TEX11: variants seen among roughly 807,000 people sequenced by gnomAD.
TEX11 encodes the protein testis-expressed protein 11.
A neutral mutation model predicts 84.4 loss-of-function variants in TEX11; 7 were observed. The ratio of observed to expected loss-of-function variants is 0.08; its 90% CI spans 0.05 to 0.16. The LOEUF (loss-of-function observed/expected upper bound fraction) is 0.16. TEX11 is among the 10% of genes least tolerant of loss of function. The probability of loss-of-function intolerance (pLI) is 1.00; values close to 1 mark genes in which losing one functional copy is unlikely to be tolerated. For synonymous variants in TEX11, 264 were observed against 222.8 expected (o/e 1.18, Z -1.64); for missense variants, 551 against 660.5 (o/e 0.83, Z 1.82).
At chrX:70,840,732 G>C (rs769318855) in intron 7 of TEX11, among the ~76,000 whole-genome samples, 1,447 of 109,586 alleles carry the variant, frequency 0.013, 14 homozygotes, top group Middle Eastern at 0.023. Flanking sequence ...ATTCAGGAAA[G>C]CCATCTCATG....
chrX:70,691,455 T>C (rs901161592), intron 13 of TEX11, among the ~76,000 whole-genome samples: 1 of 111,792 alleles, frequency 8.9e-6, no homozygotes, highest in African/African-American at 3.2e-5. Flanking sequence ...ATGTGATGTA[T>C]ATACATACAA....
intron 11 of TEX11, among the ~76,000 whole-genome samples, chrX:70,738,081 A>G (rs1210123599): frequency 8.9e-6 from 1 of 112,094 alleles, no homozygotes; most frequent in East Asian, 2.8e-4. Context: ...AATTCCAACA[A>G]AAGCCAAAAT....
the TEX11 span, among the ~76,000 whole-genome samples, chrX:70,520,811 C>T: frequency 4.5e-5 from 5 of 111,858 alleles, no homozygotes; most frequent in Admixed American, 3.8e-4. Flanking sequence ...GCTTCCTGGC[C>T]ACTTTGTTTA....
intron 5 of TEX11, among the ~76,000 whole-genome samples, chrX:70,860,168 T>C (rs973451426): frequency 8.9e-6 from 1 of 111,784 alleles, no homozygotes; most frequent in Non-Finnish European, 1.9e-5. Flanking sequence ...TTGGAGTGGC[T>C]ACAATCTTTG....
intron 4 of TEX11, among the ~76,000 whole-genome samples, chrX:70,861,511 A>G (rs1233512938): frequency 9.1e-6 from 1 of 109,534 alleles, no homozygotes; most frequent in African/African-American, 3.3e-5. Context: ...GTCGCCCAGG[A>G]TGGAGTGCAG....
At chrX:70,621,581 T>TATATATATAA (rs1337680043) in intron 20 of TEX11, among the ~76,000 whole-genome samples, 9 of 51,355 alleles carry the variant, frequency 1.8e-4, no homozygotes, top group Admixed American at 2.7e-4. Flanking sequence ...TATATATAAA[T>TATATATATAA]AAAAATAAAA....
the TEX11 span, among the ~76,000 whole-genome samples, chrX:70,518,682 A>T: frequency 8.1e-5 from 9 of 110,931 alleles, no homozygotes; most frequent in African/African-American, 2.9e-4. Context: ...TATCCTTGTT[A>T]ACCTGTCTCA....
At position 70,776,974 on chromosome X, in the gene TEX11, C is replaced by T. The variant is rs758017352; in HGVS notation, c.692+29731G>A. The stretch of plus-strand genomic sequence containing the variant: ...ACTTTATCATTACACATTCTACATA[C>T]GTAACAAACAGTTACATGGACCCCA... On this transcript the variant is annotated intron_variant, in intron 9 of 29. Transcript: ENST00000374333. Among the ~76,000 whole-genome samples, 177 of 110,335 alleles carry T rather than the reference C, an allele frequency of 1.6e-3. 2 individuals are homozygous for T. The highest frequency in any genetic ancestry group is 2.2e-3 in the Non-Finnish European group (115 of 52,828).
chrX:70,732,016 T>G (rs999773467), intron 11 of TEX11, among the ~76,000 whole-genome samples: 1 of 112,060 alleles, frequency 8.9e-6, no homozygotes, highest in South Asian at 3.7e-4. Context: ...AATCAATAAA[T>G]GTAATCCAGC....
intron 9 of TEX11, among the ~76,000 whole-genome samples, chrX:70,756,613 G>C (rs1420524278): frequency 9.0e-6 from 1 of 111,694 alleles, no homozygotes; most frequent in Non-Finnish European, 1.9e-5. Context: ...CCATCTGTAG[G>C]TCACCAACAT....
At chrX:70,840,534 T>A (rs2091436443) in intron 7 of TEX11, among the ~76,000 whole-genome samples, 2 of 111,809 alleles carry the variant, frequency 1.8e-5, no homozygotes, top group Non-Finnish European at 3.8e-5. Context: ...CATACCAAAT[T>A]GTAAACGCCA....
intron 25 of TEX11, among the ~76,000 whole-genome samples, chrX:70,584,620 C>A (rs752947871): frequency 9.0e-6 from 1 of 111,482 alleles, no homozygotes; most frequent in South Asian, 3.8e-4. Flanking sequence ...AACCAATATT[C>A]TTTATGGATA....
intron 9 of TEX11, among the ~76,000 whole-genome samples, chrX:70,754,206 C>T (rs1213602699): frequency 4.6e-5 from 5 of 109,673 alleles, no homozygotes; most frequent in Admixed American, 9.7e-5. Context: ...AGAAGGGAGC[C>T]GGGTGCTGTG....
intron 8 of TEX11, among the ~76,000 whole-genome samples, chrX:70,824,295 G>A (rs968388096): frequency 8.9e-6 from 1 of 112,039 alleles, no homozygotes; most frequent in Non-Finnish European, 1.9e-5. Flanking sequence ...AGCGAATGCT[G>A]TGGTACAGAC....
chrX:70,605,534 A>G lies in TEX11; in HGVS notation c.1951-17T>C. On this transcript the variant is annotated splice_polypyrimidine_tract_variant and intron_variant, in intron 23 of 29. Transcript: ENST00000374333. ...CTGGGACATCTGATAAGAAGTAACC[A>G]GAACATCAATGAATAGTGAGAATTC... The G allele has an allele frequency of 9.3e-7, 1 of 1,076,168 alleles. No homozygotes were observed. Among genetic ancestry groups the G allele is most frequent in the Non-Finnish European group, 1.3e-6 (1 of 777,105 alleles). 88.7% of individuals were successfully genotyped at this position (1,076,168 alleles called of 1,213,427 possible). A position where few individuals can be genotyped will look rare whatever the true frequency, so the allele number is the denominator to read the frequency against.
intron 10 of TEX11, among the ~76,000 whole-genome samples, chrX:70,743,815 G>C (rs2090749261): frequency 9.4e-6 from 1 of 106,380 alleles, no homozygotes; most frequent in Non-Finnish European, 1.9e-5. Flanking sequence ...GGCAGAGGTT[G>C]CAGTGATCCC....
chrX:70,749,967 C>A (rs182381940), intron 9 of TEX11, among the ~76,000 whole-genome samples: 1 of 110,790 alleles, frequency 9.0e-6, no homozygotes, highest in African/African-American at 3.3e-5. Flanking sequence ...AAAGAAACTA[C>A]CATCAGAGTG....
intron 25 of TEX11, among the ~76,000 whole-genome samples, chrX:70,583,181 G>A (rs961189407): frequency 4.5e-5 from 5 of 111,037 alleles, no homozygotes; most frequent in African/African-American, 1.6e-4. Flanking sequence ...AGTGAAGTCT[G>A]GGTATTTACT....
At chrX:70,767,061 G>T (rs952143193) in intron 9 of TEX11, among the ~76,000 whole-genome samples, 3 of 111,720 alleles carry the variant, frequency 2.7e-5, no homozygotes, top group African/African-American at 9.8e-5. Flanking sequence ...TCTGGGCAAA[G>T]ATTTCTTAAG....
Sources: allele counts gnomAD v4.1 joint callset (sites outside exome capture counted in the v4.1 genomes callset), GRCh38; gene constraint gnomAD v4.1.1; transcripts MANE v1.5; gene names NCBI Gene and HGNC (gene_info 2026-07-23, HGNC 2026-07-21).